The following OXR1 variants were observed in gnomAD, a reference collection of about 807,000 sequenced individuals.
OXR1 encodes oxidation resistance 1, also known as oxidation resistance protein 1.
In OXR1, 41 loss-of-function variants were observed where a neutral mutation model predicts 104.6. The observed-to-expected ratio is 0.39, with a 90% CI of 0.31 to 0.51. The LOEUF (loss-of-function observed/expected upper bound fraction) is 0.51, where lower values mean the gene tolerates loss of function less well. Ranked by LOEUF, OXR1 falls within the 20% of genes least tolerant of loss-of-function variation. The pLI, the probability that OXR1 is intolerant of heterozygous loss-of-function variation, is 0.77. For missense variants in OXR1, 955 were observed against 1,031.9 expected (o/e 0.93, Z 1.02); for synonymous variants, 348 against 348.4 (o/e 1.00, Z 0.01).
At chr8:106,526,420 G>A (rs1392129799) in intron 3 of OXR1, among the ~76,000 whole-genome samples, 1 of 152,220 alleles carries the variant, frequency 6.6e-6, no homozygotes, top group Non-Finnish European at 1.5e-5. Flanking sequence ...TTTTCAAGAG[G>A]AGGTATCCAG....
chr8:106,495,897 G>A (rs1811382362), intron 2 of OXR1, among the ~76,000 whole-genome samples: 1 of 152,058 alleles, frequency 6.6e-6, no homozygotes, highest in African/African-American at 2.4e-5. Context: ...CCTTCATATA[G>A]TGATGAGCAC....
chr8:106,278,328 A>T (rs1361308248), intron 1 of OXR1, among the ~76,000 whole-genome samples: 1 of 152,188 alleles, frequency 6.6e-6, no homozygotes, highest in East Asian at 1.9e-4. Flanking sequence ...GTCATCATGT[A>T]AATTGTTAAT....
At chr8:106,342,934 A>G (rs959618959) in intron 1 of OXR1, among the ~76,000 whole-genome samples, 2 of 152,134 alleles carry the variant, frequency 1.3e-5, no homozygotes, top group African/African-American at 4.8e-5. Flanking sequence ...TTCACTTCAC[A>G]TCAAATCTCT....
intron 3 of OXR1, among the ~76,000 whole-genome samples, chr8:106,581,610 C>CT (rs1286875476): frequency 6.6e-6 from 1 of 151,842 alleles, no homozygotes; most frequent in East Asian, 1.9e-4. Flanking sequence ...AAGTAAATGT[C>CT]TTTTTTCATT....
In OXR1 at chr8:106,577,550, C is replaced by T. The variant is rs570137441; in HGVS notation, c.220+58411C>T. On this transcript the variant is annotated intron_variant, in intron 3 of 16. Coordinates refer to ENST00000517566, the MANE Select transcript of OXR1 (RefSeq NM_001198533.2). Reference sequence around the variant, plus strand: ...GACTACAGGTGCCCGCCACCACGCCCGGCTAATTTTTTGTATTTTTAGTAG... The same window carrying T: ...GACTACAGGTGCCCGCCACCACGCCTGGCTAATTTTTTGTATTTTTAGTAG... Among the ~76,000 whole-genome samples, 4 of 151,888 alleles carry T rather than the reference C, an allele frequency of 2.6e-5. No individual in the cohort carries two copies. The East Asian group carries it at 5.8e-4, about 22-fold the overall frequency.
chr8:106,407,306 G>C (rs1320827104), intron 2 of OXR1, among the ~76,000 whole-genome samples: 3 of 152,160 alleles, frequency 2.0e-5, no homozygotes, highest in African/African-American at 7.2e-5. Context: ...GGGTGAGTGA[G>C]TTCTCCTTTG....
chr8:106,537,880 G>T (rs1408231071), intron 3 of OXR1, among the ~76,000 whole-genome samples: 1 of 151,944 alleles, frequency 6.6e-6, no homozygotes, highest in African/African-American at 2.4e-5. Context: ...AGGAAGGAGA[G>T]AGGAAAAAGA....
At chr8:106,711,053 A>G (rs1202898860) in intron 10 of OXR1, among the ~76,000 whole-genome samples, 1 of 152,160 alleles carries the variant, frequency 6.6e-6, no homozygotes, top group Non-Finnish European at 1.5e-5. Flanking sequence ...TGGAGCAAGA[A>G]GATTCATCAA....
At chr8:106,314,968 A>AGAT (rs1303225535) in intron 1 of OXR1, among the ~76,000 whole-genome samples, 2 of 152,142 alleles carry the variant, frequency 1.3e-5, no homozygotes, top group Non-Finnish European at 2.9e-5. Context: ...AATTAGATGA[A>AGAT]GATAATATAA....
chr8:106,347,258 T>A (rs918803437), intron 1 of OXR1, among the ~76,000 whole-genome samples: 1 of 152,156 alleles, frequency 6.6e-6, no homozygotes, highest in African/African-American at 2.4e-5. Context: ...AAGCAAAGAG[T>A]GACATGCAGA....
chr8:106,610,681 T>C (rs1820750212), intron 3 of OXR1, among the ~76,000 whole-genome samples: 1 of 152,196 alleles, frequency 6.6e-6, no homozygotes, highest in Admixed American at 6.5e-5. Context: ...TTTCCCCTGC[T>C]CCCAACTACC....
At chr8:106,306,273 C>A (rs1187647892) in intron 1 of OXR1, among the ~76,000 whole-genome samples, 1 of 151,966 alleles carries the variant, frequency 6.6e-6, no homozygotes, top group Non-Finnish European at 1.5e-5. Context: ...ATGTACAAAT[C>A]CTTAAAGTTA....
intron 5 of OXR1, 52 bp downstream of exon 5, chr8:106,683,358 C>A: frequency 1.2e-6 from 1 of 856,524 alleles, no homozygotes; most frequent in Non-Finnish European, 2.0e-6. Context: ...AACAGAAAGG[C>A]AGAAAGTATT....
chr8:106,504,308 ATAGTG>A (rs1812011184), intron 2 of OXR1, among the ~76,000 whole-genome samples: 1 of 152,194 alleles, frequency 6.6e-6, no homozygotes, highest in African/African-American at 2.4e-5. Context: ...CCTTGAAACT[ATAGTG>A]CTAATATCAA....
chr8:106,388,647 C>T (rs1030578689), intron 2 of OXR1, among the ~76,000 whole-genome samples: 1 of 152,194 alleles, frequency 6.6e-6, no homozygotes, highest in African/African-American at 2.4e-5. Context: ...TGTTCTCAAA[C>T]TCCTGACCTT....
chr8:106,300,804 G>C (rs759558711), intron 1 of OXR1, among the ~76,000 whole-genome samples: 54 of 152,170 alleles, frequency 3.5e-4, no homozygotes, highest in Non-Finnish European at 4.7e-4. Flanking sequence ...AGATTCAATT[G>C]AATTGAGGTT....
chr8:106,682,169 C>T (rs1563700286), intron 4 of OXR1, among the ~76,000 whole-genome samples: 1 of 151,928 alleles, frequency 6.6e-6, no homozygotes, highest in Non-Finnish European at 1.5e-5. Flanking sequence ...TCATCTTTTG[C>T]ATAACCTTTT....
At chr8:106,750,444 G>C (rs969755790) in intron 16 of OXR1, among the ~76,000 whole-genome samples, 4 of 150,372 alleles carry the variant, frequency 2.7e-5, no homozygotes, top group East Asian at 4.0e-4. Flanking sequence ...TCCTGCCTCT[G>C]CCTCCCGAGT....
chr8:106,734,858 A>G (rs1052363059), intron 11 of OXR1, among the ~76,000 whole-genome samples: 1 of 152,204 alleles, frequency 6.6e-6, no homozygotes. Flanking sequence ...TATAGATAGG[A>G]GTTAGCAGTA....
Sources: gnomAD v4.1 joint callset for allele counts (sites outside exome capture counted in the v4.1 genomes callset) on GRCh38, gnomAD v4.1.1 for gene constraint, MANE v1.5 for transcripts, NCBI Gene and HGNC (gene_info 2026-07-23, HGNC 2026-07-21) for gene names.